Variants in MDGA2 observed in about 807,000 individuals in gnomAD.
MDGA2 encodes the protein MAM domain containing glycosylphosphatidylinositol anchor 2, also known as MAM domain-containing glycosylphosphatidylinositol anchor protein 2.
In MDGA2, 40 loss-of-function variants were observed where a neutral mutation model predicts 117.8. The observed-to-expected ratio is 0.34, with a 90% CI of 0.26 to 0.44. The LOEUF is 0.44. Ranked by LOEUF, MDGA2 falls within the 20% of genes least tolerant of loss-of-function variation. The pLI, the probability that MDGA2 is intolerant of heterozygous loss-of-function variation, is 1.00. For missense variants in MDGA2, 1,123 were observed against 1,250.6 expected, an observed-to-expected ratio of 0.90 and a Z score of 1.54; for synonymous variants, 452 against 439.0, an observed-to-expected ratio of 1.03 and a Z score of -0.37.
At chr14:47,312,406 T>C (rs1468680661) in intron 1 of MDGA2, among the ~76,000 whole-genome samples, 1 of 152,168 alleles carries the variant, frequency 6.6e-6, no homozygotes, top group East Asian at 1.9e-4. Context: ...AAGACCCTAC[T>C]TTCAGTGGTA....
chr14:47,107,750 A>G lies in MDGA2; in HGVS notation c.926-10627T>C, dbSNP rs566100526. 1.1e-4 allele frequency among the ~76,000 whole-genome samples: 17 copies of G among 151,258 alleles called. No homozygotes were observed. In the South Asian group the frequency reaches 3.5e-3, roughly 32 times the overall value. ...TTAGCGCGGTCAGAATTTTTACACA[A>G]GAGCCAGGACCACACCCTGTAGCCT... On this transcript the variant is annotated intron_variant, in intron 5 of 16. Coordinates refer to ENST00000399232, the MANE Select transcript of MDGA2 (RefSeq NM_001113498.3).
intron 5 of MDGA2, among the ~76,000 whole-genome samples, chr14:47,129,079 C>T (rs1477999464): frequency 6.7e-6 from 1 of 148,216 alleles, no homozygotes; most frequent in Non-Finnish European, 1.5e-5. Flanking sequence ...CGAAATAGAG[C>T]ATTCTCTAGT....
intron 10 of MDGA2, among the ~76,000 whole-genome samples, chr14:46,915,856 A>C (rs537916169): frequency 6.6e-6 from 1 of 152,276 alleles, no homozygotes; most frequent in Admixed American, 6.5e-5. Context: ...CTATAAACAC[A>C]GCGGCCAGGC....
intron 1 of MDGA2, among the ~76,000 whole-genome samples, chr14:47,569,552 G>A (rs1470092156): frequency 6.6e-6 from 1 of 152,182 alleles, no homozygotes; most frequent in East Asian, 1.9e-4. Flanking sequence ...ACCAGCCAAA[G>A]GAAGAAACTA....
chr14:47,662,292 T>TA (rs145417834), intron 1 of MDGA2, among the ~76,000 whole-genome samples: 14,960 of 152,160 alleles, frequency 0.098, 976 homozygotes, highest in Middle Eastern at 0.23. Flanking sequence ...TTAACATAGT[T>TA]AATCGATTTC....
At chr14:47,192,126 A>C (rs1885135297) in intron 3 of MDGA2, among the ~76,000 whole-genome samples, 1 of 152,226 alleles carries the variant, frequency 6.6e-6, no homozygotes, top group Non-Finnish European at 1.5e-5. Context: ...CGACAATTGC[A>C]GTGGAGATAA....
chr14:47,344,536 G>T (rs753695032), intron 1 of MDGA2, among the ~76,000 whole-genome samples: 6 of 152,072 alleles, frequency 3.9e-5, no homozygotes, highest in African/African-American at 1.4e-4. Context: ...TTGGTATTTG[G>T]GTAGGTTCTA....
intron 2 of MDGA2, among the ~76,000 whole-genome samples, chr14:47,259,753 T>C (rs568118710): frequency 1.3e-4 from 20 of 152,094 alleles, no homozygotes; most frequent in African/African-American, 4.6e-4. Context: ...GCTGAAGTCA[T>C]AGGAAAGTGA....
chr14:47,006,108 A>G (rs1252977603), intron 8 of MDGA2, among the ~76,000 whole-genome samples: 1 of 151,494 alleles, frequency 6.6e-6, no homozygotes, highest in Non-Finnish European at 1.5e-5. Flanking sequence ...ACCTCTGTTT[A>G]CCAATTTGAA....
chr14:46,981,152 C>T (rs1265694594), intron 8 of MDGA2, among the ~76,000 whole-genome samples: 1 of 132,840 alleles, frequency 7.5e-6, no homozygotes, highest in African/African-American at 3.1e-5. Flanking sequence ...GCCTGTAATC[C>T]CAGCACTTTG....
At chr14:47,375,546 A>T (rs1891458964) in intron 1 of MDGA2, among the ~76,000 whole-genome samples, 1 of 152,108 alleles carries the variant, frequency 6.6e-6, no homozygotes, top group Non-Finnish European at 1.5e-5. Context: ...CCTTAAAAAA[A>T]AGAATATTAA....
chr14:47,265,421 AATATATGT>A (rs1227981967), intron 2 of MDGA2, among the ~76,000 whole-genome samples: 1 of 152,128 alleles, frequency 6.6e-6, no homozygotes, highest in East Asian at 1.9e-4. Flanking sequence ...AAGATTTAAT[AATATATGT>A]ATCTCCATGA....
chr14:47,210,157 G>T lies in MDGA2; in HGVS notation c.595+7864C>A, dbSNP rs189914257. On this transcript the variant is annotated intron_variant, in intron 3 of 16. Coordinates refer to ENST00000399232, the MANE Select transcript of MDGA2 (RefSeq NM_001113498.3). ...TTATACTAATCTCCCAGTTGAAAAT[G>T]TAATAAATCTATCAGACAAGGACCA... 5.9e-5 allele frequency among the ~76,000 whole-genome samples: 9 copies of T among 152,290 alleles called. No homozygotes were observed. The East Asian group carries it at 1.7e-3, about 29-fold the overall frequency.
chr14:46,947,890 G>C (rs771545601), intron 9 of MDGA2, among the ~76,000 whole-genome samples: 2 of 150,532 alleles, frequency 1.3e-5, no homozygotes, highest in Admixed American at 1.3e-4. Context: ...TTCTGCATTT[G>C]GTCTTTTACT....
chr14:47,031,912 C>T (rs1056799373), intron 8 of MDGA2, among the ~76,000 whole-genome samples: 2 of 152,180 alleles, frequency 1.3e-5, no homozygotes, highest in African/African-American at 4.8e-5. Flanking sequence ...CAGCATCATG[C>T]TTCCTATACA....
At chr14:47,239,125 T>C (rs1435253503) in intron 2 of MDGA2, among the ~76,000 whole-genome samples, 1 of 151,370 alleles carries the variant, frequency 6.6e-6, no homozygotes, top group Non-Finnish European at 1.5e-5. Flanking sequence ...CATAAAGTTG[T>C]ATTGAGGGCC....
At chr14:47,356,395 A>T (rs887263435) in intron 1 of MDGA2, among the ~76,000 whole-genome samples, 1 of 152,098 alleles carries the variant, frequency 6.6e-6, no homozygotes, top group African/African-American at 2.4e-5. Context: ...TCTTTTCCTT[A>T]TGCTTCTTGG....
intron 1 of MDGA2, among the ~76,000 whole-genome samples, chr14:47,649,532 A>G (rs961672662): frequency 6.6e-6 from 1 of 152,154 alleles, no homozygotes; most frequent in African/African-American, 2.4e-5. Context: ...CAAAAATACA[A>G]AAATTACCTG....
At chr14:47,255,414 T>C (rs977468333) in intron 2 of MDGA2, among the ~76,000 whole-genome samples, 1 of 152,142 alleles carries the variant, frequency 6.6e-6, no homozygotes, top group Non-Finnish European at 1.5e-5. Context: ...ATGTAAGATA[T>C]AACATGATCA....
Sources: gnomAD v4.1 joint callset for allele counts (sites outside exome capture counted in the v4.1 genomes callset) on GRCh38, gnomAD v4.1.1 for gene constraint, MANE v1.5 for transcripts, NCBI Gene and HGNC (gene_info 2026-07-23, HGNC 2026-07-21) for gene names.